The following KLHL3 variants were observed in gnomAD, a reference collection of about 807,000 sequenced individuals.
KLHL3 encodes kelch-like protein 3.
Under a neutral mutation model 70.5 loss-of-function variants are expected in KLHL3, and 19 were observed. The observed-to-expected ratio is 0.27, with a 90% CI of 0.19 to 0.40. The LOEUF (loss-of-function observed/expected upper bound fraction) is 0.40. KLHL3 is among the 10% of genes least tolerant of loss of function. KLHL3 has a pLI of 1.00. For missense variants in KLHL3, 512 were observed against 771.1 expected (o/e 0.66, Z 3.98); for synonymous variants, 258 against 290.3 (o/e 0.89, Z 1.13).
At chr5:137,655,778 G>A (rs546917300) in intron 8 of KLHL3, among the ~76,000 whole-genome samples, 231 of 152,120 alleles carry the variant, frequency 1.5e-3, no homozygotes, top group Non-Finnish European at 2.4e-3. Flanking sequence ...GAGCTCAGGA[G>A]TTCGAGACCA....
rs1386140201 is a variant in KLHL3 at position 137,676,485 on chromosome 5, C to T, written c.636+1060G>A. Among the ~76,000 whole-genome samples, 3 of 152,128 alleles carry T rather than the reference C, an allele frequency of 2.0e-5. No individual in the cohort carries two copies. In the East Asian group the frequency reaches 5.8e-4, roughly 29 times the overall value. ...GCTGAATGTGGGAGGAGGATCAGCTCAGAACTAAATATGTACAATGAAAAG... is the reference window on the plus strand; with the variant it reads ...GCTGAATGTGGGAGGAGGATCAGCTTAGAACTAAATATGTACAATGAAAAG... On this transcript the variant is annotated intron_variant, in intron 6 of 14. Coordinates refer to ENST00000309755, the MANE Select transcript of KLHL3 (RefSeq NM_017415.3).
At chr5:137,690,178 T>A (rs977485116) in intron 5 of KLHL3, among the ~76,000 whole-genome samples, 7 of 152,158 alleles carry the variant, frequency 4.6e-5, no homozygotes, top group African/African-American at 1.7e-4. Flanking sequence ...ATACAAAAAA[T>A]TAGCCTGGCG....
intron 8 of KLHL3, among the ~76,000 whole-genome samples, chr5:137,650,422 G>A (rs950230242): frequency 5.3e-5 from 8 of 152,166 alleles, no homozygotes; most frequent in Non-Finnish European, 8.8e-5. Flanking sequence ...GGAGTCCCCT[G>A]GGGAAGAGAC....
At chr5:137,678,458 C>G (rs1262287944) in intron 5 of KLHL3, among the ~76,000 whole-genome samples, 1 of 152,130 alleles carries the variant, frequency 6.6e-6, no homozygotes, top group Non-Finnish European at 1.5e-5. Context: ...AAAGAAGGAG[C>G]CTAGGTTCAA....
At chr5:137,714,468 T>G (rs1212502680) in intron 2 of KLHL3, among the ~76,000 whole-genome samples, 1 of 152,220 alleles carries the variant, frequency 6.6e-6, no homozygotes, top group Non-Finnish European at 1.5e-5. Context: ...TAAAAAGGAA[T>G]GGTGTACTGA....
At chr5:137,631,603 T>C (rs1183701040) in intron 12 of KLHL3, among the ~76,000 whole-genome samples, 1 of 152,208 alleles carries the variant, frequency 6.6e-6, no homozygotes, top group East Asian at 1.9e-4. Flanking sequence ...GGAGTCAGCA[T>C]TACTAATTAT....
chr5:137,696,707 A>T (rs556043880), intron 4 of KLHL3, among the ~76,000 whole-genome samples: 3 of 152,242 alleles, frequency 2.0e-5, no homozygotes, highest in Admixed American at 2.0e-4. Flanking sequence ...CAACTCTACC[A>T]CTTACTCTCT....
chr5:137,622,141 G>A lies in KLHL3; in HGVS notation c.1736-15C>T. 1 of 1,614,124 alleles carries A rather than the reference G, an allele frequency of 6.2e-7. No individual in the cohort carries two copies. Among genetic ancestry groups the A allele is most frequent in the Non-Finnish European group, 8.5e-7 (1 of 1,179,964 alleles). ...CACGGCAACACCTAATAAGAAAGGG[G>A]GAGAAAGTTATCATCTTAGCTTCTC... is the stretch of plus-strand genomic sequence containing the variant. On this transcript the variant is annotated splice_polypyrimidine_tract_variant and intron_variant, in intron 14 of 14. Transcript: ENST00000309755.
In KLHL3 at chr5:137,673,920, C is replaced by T. The variant is rs995260350; in HGVS notation, c.636+3625G>A. The T allele has an allele frequency of 2.0e-5, 3 of 152,218 alleles. No homozygotes were observed. The South Asian group carries it at 6.2e-4, about 32-fold the overall frequency. 9.4% of individuals were successfully genotyped at this position (152,218 alleles called of 1,614,324 possible). On this transcript the variant is annotated intron_variant, in intron 6 of 14. Transcript: ENST00000309755. ...CATGAGGTCACAACCACTCTCTGAC[C>T]CTGCTAGGCACTGGGGCCCCAGGTC...
chr5:137,717,401 G>A (rs1328546419), intron 2 of KLHL3, among the ~76,000 whole-genome samples: 1 of 152,156 alleles, frequency 6.6e-6, no homozygotes, highest in Non-Finnish European at 1.5e-5. Flanking sequence ...ATGGTGGCAG[G>A]TGCCTATAAT....
At chr5:137,698,552 A>G (rs1752498947) in intron 3 of KLHL3, 144 bp from the exon 4 acceptor site, 1 of 885,664 alleles carries the variant, frequency 1.1e-6, no homozygotes, top group Admixed American at 2.2e-5. Context: ...GGCACAGAAG[A>G]GGATAAACCA....
At chr5:137,718,199 G>T (rs1221633836) in intron 2 of KLHL3, among the ~76,000 whole-genome samples, 1 of 152,234 alleles carries the variant, frequency 6.6e-6, no homozygotes, top group African/African-American at 2.4e-5. Flanking sequence ...TTTGACAAAT[G>T]CTGAATTATA....
chr5:137,633,958 T>C, intron 12 of KLHL3, 79 bp downstream of exon 12: 1 of 1,584,402 alleles, frequency 6.3e-7, no homozygotes, highest in Non-Finnish European at 8.6e-7. Context: ...ACCCTCTAAA[T>C]CTAAAATAAA....
At chr5:137,681,371 G>T (rs953897283) in intron 5 of KLHL3, among the ~76,000 whole-genome samples, 1 of 152,116 alleles carries the variant, frequency 6.6e-6, no homozygotes, top group Non-Finnish European at 1.5e-5. Context: ...ATAAGACAAG[G>T]CATCAATAAC....
Position 137,631,984 on chromosome 5 carries a change from T to C in KLHL3, c.1450+2053A>G, listed in dbSNP as rs546420653. On this transcript the variant is annotated intron_variant, in intron 12 of 14. Transcript: ENST00000309755. ...GTTAAGTTGTTGAACCAATACCCAC[T>C]CATGACTGATTAAAGAAATCACAGA... Among the ~76,000 whole-genome samples the C allele has an allele frequency of 2.0e-5, 3 of 152,156 alleles. No homozygotes were observed. The East Asian group carries it at 5.8e-4, about 29-fold the overall frequency.
chr5:137,658,933 C>G (rs939708055), intron 7 of KLHL3, among the ~76,000 whole-genome samples: 1 of 152,188 alleles, frequency 6.6e-6, no homozygotes, highest in Non-Finnish European at 1.5e-5. Context: ...TAAGCTGGGG[C>G]TCTGGCTTCT....
chr5:137,677,595 C>T lies in KLHL3; in HGVS notation c.586G>A (p.Val196Met), dbSNP rs1372496452. 14 of 1,610,854 alleles carry T rather than the reference C, an allele frequency of 8.7e-6. No individual in the cohort carries two copies. Among genetic ancestry groups the T allele is most frequent in the Non-Finnish European group, 1.1e-5 (13 of 1,178,624 alleles). ...EEFLSLSLDQ[V>M]CSLISSDKLT... is the part of the protein sequence containing the mutation. ...TTGTCGCTGGATATCAAGCTGCACA[C>T]CTGGTCCAGACTCAGGCTAAGAAAT... is the stretch of plus-strand genomic sequence containing the variant. Residue 196 changes from valine (V) to methionine (M), a missense_variant, in exon 6 of 15, where the codon GTG becomes ATG. By Grantham distance (21) the Val-to-Met change is conservative. Coordinates refer to ENST00000309755, the MANE Select transcript of KLHL3 (RefSeq NM_017415.3).
In KLHL3 at chr5:137,698,277, C is replaced by T; in HGVS notation, c.363+10G>A. ...GCAATACACTGAGCTATTAGTGAGC[C>T]TGAGTTTACCTGGACATTCTCTTCA... On this transcript the variant is annotated intron_variant, in intron 4 of 14. Coordinates refer to ENST00000309755, the MANE Select transcript of KLHL3 (RefSeq NM_017415.3). The T allele has an allele frequency of 6.2e-7, 1 of 1,614,100 alleles. No homozygotes were observed. Among genetic ancestry groups the T allele is most frequent in the Non-Finnish European group, 8.5e-7 (1 of 1,179,986 alleles).
intron 6 of KLHL3, among the ~76,000 whole-genome samples, chr5:137,668,437 G>A (rs887827896): frequency 5.3e-5 from 8 of 152,030 alleles, no homozygotes; most frequent in African/African-American, 1.9e-4. Context: ...AAAACCCTGG[G>A]CAGACTGTTG....
Sources: gnomAD v4.1 joint callset for allele counts (sites outside exome capture counted in the v4.1 genomes callset) on GRCh38, gnomAD v4.1.1 for gene constraint, MANE v1.5 for transcripts, NCBI Gene and HGNC (gene_info 2026-07-23, HGNC 2026-07-21) for gene names.